Variants in UNC13C observed in about 807,000 individuals in gnomAD.
UNC13C encodes unc-13 homolog C, also known as protein unc-13 homolog C.
UNC13C carries 174 observed loss-of-function variants against 245.4 expected under a neutral mutation model. The observed-to-expected ratio is 0.71, with a 90% CI of 0.63 to 0.80. UNC13C has a LOEUF of 0.80. Ranked by LOEUF, UNC13C falls within the 30% of genes least tolerant of loss-of-function variation. UNC13C has a pLI of 0.00. For missense variants in UNC13C, 2,829 were observed against 2,602.9 expected (o/e 1.09, Z -1.89); for synonymous variants, 992 against 895.1 (o/e 1.11, Z -1.93).
At chr15:54,455,205 C>CTA (rs1214014395) in intron 19 of UNC13C, among the ~76,000 whole-genome samples, 205 of 18,946 alleles carry the variant, frequency 0.011, 8 homozygotes, top group East Asian at 0.02. Flanking sequence ...CTCTCTCTCT[C>CTA]TATATATATA....
At chr15:54,392,681 C>T (rs1310688772) in intron 17 of UNC13C, among the ~76,000 whole-genome samples, 1 of 151,778 alleles carries the variant, frequency 6.6e-6, no homozygotes, top group Non-Finnish European at 1.5e-5. Context: ...AAAATTCAAT[C>T]TTCATCCTTG....
intron 10 of UNC13C, among the ~76,000 whole-genome samples, chr15:54,284,700 C>T (rs2037096145): frequency 1.3e-5 from 2 of 152,140 alleles, no homozygotes; most frequent in Non-Finnish European, 2.9e-5. Context: ...TATCTCTCTT[C>T]TTAAGTGGTC....
At chr15:54,510,373 C>A (rs1286823933) in intron 23 of UNC13C, among the ~76,000 whole-genome samples, 2 of 152,078 alleles carry the variant, frequency 1.3e-5, no homozygotes, top group Non-Finnish European at 2.9e-5. Flanking sequence ...GTTCAAGATG[C>A]TGAATCCTCT....
the UNC13C span, among the ~76,000 whole-genome samples, chr15:53,934,820 G>T: frequency 1.3e-5 from 2 of 152,120 alleles, no homozygotes; most frequent in Admixed American, 6.6e-5. Flanking sequence ...TTGTAGAGGA[G>T]GTGAGGATGG....
intron 17 of UNC13C, among the ~76,000 whole-genome samples, chr15:54,339,623 G>A (rs1005872463): frequency 6.8e-6 from 1 of 147,700 alleles, no homozygotes; most frequent in Admixed American, 6.7e-5. Context: ...CTGAATAGTA[G>A]TATTCCATTA....
chr15:54,470,441 G>A (rs908342154), intron 19 of UNC13C, among the ~76,000 whole-genome samples: 1 of 151,478 alleles, frequency 6.6e-6, no homozygotes, highest in South Asian at 2.1e-4. Context: ...GGCCTACTCA[G>A]ATTTGCTATT....
chr15:53,865,073 C>G, the UNC13C span, among the ~76,000 whole-genome samples: 1 of 152,178 alleles, frequency 6.6e-6, no homozygotes, highest in Admixed American at 6.5e-5. Flanking sequence ...CTGTTGGGAA[C>G]AGTCAAGTTA....
chr15:54,250,531 G>T (rs2140864873), intron 8 of UNC13C, 87 bp downstream of exon 8: 1 of 1,294,670 alleles, frequency 7.7e-7, no homozygotes, highest in East Asian at 2.5e-5. Context: ...ACTCTTGCTG[G>T]TTGTCAAGAA....
chr15:54,598,267 G>A (rs1295072032), intron 30 of UNC13C, among the ~76,000 whole-genome samples: 1 of 152,118 alleles, frequency 6.6e-6, no homozygotes, highest in Non-Finnish European at 1.5e-5. Context: ...TAATTTTTGT[G>A]TATTTTTAGT....
intron 28 of UNC13C, among the ~76,000 whole-genome samples, chr15:54,552,530 A>T (rs1188215697): frequency 2.3e-4 from 6 of 25,954 alleles, no homozygotes; most frequent in East Asian, 1.5e-3. Context: ...TATATATAAT[A>T]ATATAATTAT....
At chr15:54,450,182 C>A (rs1725686664) in intron 19 of UNC13C, among the ~76,000 whole-genome samples, 1 of 152,230 alleles carries the variant, frequency 6.6e-6, no homozygotes, top group African/African-American at 2.4e-5. Flanking sequence ...TCTTCCCCTA[C>A]TGGGGGCTGC....
chr15:54,454,462 C>T (rs1372843195), intron 19 of UNC13C, among the ~76,000 whole-genome samples: 2 of 151,818 alleles, frequency 1.3e-5, no homozygotes, highest in Non-Finnish European at 2.9e-5. Flanking sequence ...CCTGTAATCC[C>T]AAGGTCTCAG....
At chr15:54,345,230 C>A (rs373775316) in intron 17 of UNC13C, among the ~76,000 whole-genome samples, 1 of 152,176 alleles carries the variant, frequency 6.6e-6, no homozygotes, top group East Asian at 1.9e-4. Flanking sequence ...AGTAGGTGTT[C>A]ACAAAAGCAT....
chr15:54,475,450 C>A (rs1264913515), intron 19 of UNC13C, among the ~76,000 whole-genome samples: 2 of 151,638 alleles, frequency 1.3e-5, no homozygotes, highest in Non-Finnish European at 2.9e-5. Flanking sequence ...AATGCTATCC[C>A]TCCCCTCTCC....
chr15:53,970,099 G>A, the UNC13C span, among the ~76,000 whole-genome samples: 1 of 150,008 alleles, frequency 6.7e-6, no homozygotes, highest in South Asian at 2.1e-4. Flanking sequence ...TGCCCAGACT[G>A]GAGTTCAGTG....
chr15:54,619,291 C>CAAT (rs1266032336), intron 30 of UNC13C, among the ~76,000 whole-genome samples: 1 of 152,184 alleles, frequency 6.6e-6, no homozygotes, highest in Non-Finnish European at 1.5e-5. Flanking sequence ...AGAATCTCTC[C>CAAT]AATGGCAGCA....
At chr15:54,237,761 C>A (rs371341650) in intron 7 of UNC13C, 71 bp downstream of exon 7, 18 of 1,226,054 alleles carry the variant, frequency 1.5e-5, no homozygotes, top group African/African-American at 9.0e-5. Context: ...AACTGTTCTG[C>A]TTGAGCTACT....
intron 13 of UNC13C, among the ~76,000 whole-genome samples, chr15:54,313,041 C>T (rs1254563850): frequency 1.3e-5 from 2 of 151,816 alleles, no homozygotes; most frequent in Middle Eastern, 3.4e-3. Context: ...GAGTCAGGTG[C>T]AGCTAGCTAC....
chr15:54,037,391 A>C (rs1275640453), intron 2 of UNC13C, among the ~76,000 whole-genome samples: 1 of 152,184 alleles, frequency 6.6e-6, no homozygotes, highest in Non-Finnish European at 1.5e-5. Flanking sequence ...CAGCTGTAAA[A>C]TTGCGGTAAT....
Sources: gnomAD v4.1 joint callset for allele counts (sites outside exome capture counted in the v4.1 genomes callset) on GRCh38, gnomAD v4.1.1 for gene constraint, MANE v1.5 for transcripts, NCBI Gene and HGNC (gene_info 2026-07-23, HGNC 2026-07-21) for gene names.